Variants in TMEM232 observed in about 807,000 individuals in gnomAD.
TMEM232 encodes the protein transmembrane protein 232.
Under a neutral mutation model 78.8 loss-of-function variants are expected in TMEM232, and 80 were observed. That is an observed-to-expected ratio of 1.01 (90% CI 0.85 to 1.22). TMEM232 has a LOEUF of 1.22. Ranked by LOEUF, TMEM232 falls within the 50% of genes most tolerant of loss-of-function variation. The pLI, the probability that TMEM232 is intolerant of heterozygous loss-of-function variation, is 0.00. For synonymous variants in TMEM232, 297 were observed against 254.3 expected, an observed-to-expected ratio of 1.17 and a Z score of -1.60; for missense variants, 881 against 742.2, an observed-to-expected ratio of 1.19 and a Z score of -2.17.
At chr5:110,630,461 G>A (rs1476528848) in intron 5 of TMEM232, among the ~76,000 whole-genome samples, 1 of 152,140 alleles carries the variant, frequency 6.6e-6, no homozygotes, top group Non-Finnish European at 1.5e-5. Context: ...CATGTCGGGG[G>A]AGGGGCCCAG....
In TMEM232 at chr5:110,420,536, G is replaced by T. The variant is rs556408631; in HGVS notation, c.*44C>A. ...GGTATTTTTCATCCTATGTATTTCT[G>T]CCATGTAGTCCTCAATTTTGGGAGG... On this transcript the variant is annotated 3_prime_UTR_variant, in exon 14 of 14. Coordinates refer to ENST00000455884, the MANE Select transcript of TMEM232 (RefSeq NM_001039763.4). The T allele has an allele frequency of 3.2e-6, 4 of 1,245,530 alleles. No individual in the cohort carries two copies. Among genetic ancestry groups the T allele is most frequent in the African/African-American group, 3.2e-5 (2 of 63,032 alleles). 77.2% of individuals were successfully genotyped at this position (1,245,530 alleles called of 1,614,324 possible).
intron 8 of TMEM232, among the ~76,000 whole-genome samples, chr5:110,614,807 C>T (rs990360005): frequency 1.3e-5 from 2 of 151,896 alleles, no homozygotes; most frequent in African/African-American, 4.8e-5. Flanking sequence ...TTTGAATCTC[C>T]TACAACTTAC....
intron 12 of TMEM232, among the ~76,000 whole-genome samples, chr5:110,520,142 T>A (rs935712582): frequency 6.6e-6 from 1 of 151,728 alleles, no homozygotes; most frequent in East Asian, 1.9e-4. Context: ...TTATTGTATA[T>A]TTCAAAATAA....
intron 12 of TMEM232, among the ~76,000 whole-genome samples, chr5:110,454,844 C>T (rs1206541460): frequency 1.3e-5 from 2 of 150,068 alleles, no homozygotes; most frequent in African/African-American, 4.9e-5. Flanking sequence ...ATAAGAGGTG[C>T]ATTAATCAAT....
At chr5:110,513,928 T>C (rs1461813924) in intron 12 of TMEM232, 1 of 170,296 alleles carries the variant, frequency 5.9e-6, no homozygotes, top group African/African-American at 2.4e-5. Flanking sequence ...TTTGAGTACA[T>C]ATTCAGAAGA....
rs547822735 is a variant in TMEM232, at chr5:110,424,754, C to T, written c.1797+69G>A. On this transcript the variant is annotated intron_variant, in intron 13 of 13. Coordinates refer to ENST00000455884, the MANE Select transcript of TMEM232 (RefSeq NM_001039763.4). ...TATTAAGGTTTCAGTCTCAGAACTA[C>T]ATTTTATCATTTAAAGTGCTTTTAA... The T allele has an allele frequency of 4.1e-5, 51 of 1,242,330 alleles. No individual in the cohort carries two copies. In the Admixed American group the frequency reaches 1.0e-3, roughly 25 times the overall value. The allele number at this position is 1,242,330 out of a possible 1,614,324, so 77.0% of individuals were successfully genotyped here. A position where few individuals can be genotyped will look rare whatever the true frequency, so the allele number is the denominator to read the frequency against.
intron 1 of TMEM232, among the ~76,000 whole-genome samples, chr5:110,719,028 A>G (rs1411983091): frequency 6.6e-6 from 1 of 152,068 alleles, no homozygotes; most frequent in South Asian, 2.1e-4. Context: ...AACATCAAAG[A>G]GTCTACTTAC....
intron 2 of TMEM232, among the ~76,000 whole-genome samples, chr5:110,666,016 T>C (rs531991480): frequency 2.0e-5 from 3 of 152,066 alleles, no homozygotes; most frequent in Non-Finnish European, 4.4e-5. Flanking sequence ...AGCTATAGGT[T>C]ATAGCAAGGT....
chr5:110,443,068 C>T (rs1044380013), intron 12 of TMEM232, among the ~76,000 whole-genome samples: 1 of 152,154 alleles, frequency 6.6e-6, no homozygotes, highest in Non-Finnish European at 1.5e-5. Context: ...CCAAGGCATA[C>T]TGTAACCGCT....
intron 12 of TMEM232, among the ~76,000 whole-genome samples, chr5:110,522,175 TC>T (rs1276411325): frequency 1.3e-5 from 2 of 152,168 alleles, no homozygotes; most frequent in African/African-American, 4.8e-5. Flanking sequence ...TTATTCTTTT[TC>T]ATACTATTGT....
chr5:110,484,153 G>A (rs1764211464), intron 12 of TMEM232, among the ~76,000 whole-genome samples: 1 of 151,978 alleles, frequency 6.6e-6, no homozygotes, highest in South Asian at 2.1e-4. Flanking sequence ...AGATACTGGA[G>A]ATTACTGGGG....
intron 10 of TMEM232, among the ~76,000 whole-genome samples, chr5:110,594,875 A>T (rs1486085290): frequency 1.3e-5 from 2 of 152,230 alleles, no homozygotes; most frequent in Non-Finnish European, 2.9e-5. Flanking sequence ...TCCTGCTGCC[A>T]GCTCTGAATA....
chr5:110,626,443 T>C (rs534203528), intron 6 of TMEM232, among the ~76,000 whole-genome samples: 9 of 152,214 alleles, frequency 5.9e-5, no homozygotes, highest in Admixed American at 1.3e-4. Context: ...ATGGTACTAA[T>C]TGATTAGTCT....
rs202180945 is a variant in TMEM232, at chr5:110,587,695, G to A, written c.1276+17414C>T. The stretch of plus-strand genomic sequence containing the variant: ...TATATATATATATATATATATATGT[G>A]TGTGTGTGTGTGTGTGTGTGTGTGT... On this transcript the variant is annotated intron_variant, in intron 10 of 13. Transcript: ENST00000455884. Among the ~76,000 whole-genome samples the A allele has an allele frequency of 3.2e-3, 194 of 61,018 alleles. 1 individual carries two copies. Among genetic ancestry groups the A allele is most frequent in the African/African-American group, 0.015 (102 of 6,996 alleles). 40.0% of individuals were successfully genotyped at this position (61,018 alleles called of 152,430 possible).
chr5:110,712,639 C>T (rs1297692114), intron 1 of TMEM232, among the ~76,000 whole-genome samples: 1 of 152,160 alleles, frequency 6.6e-6, no homozygotes, highest in Non-Finnish European at 1.5e-5. Context: ...TGTTTCACTG[C>T]TCCCCTTCTC....
intron 1 of TMEM232, among the ~76,000 whole-genome samples, chr5:110,694,107 C>G (rs36139141): frequency 6.6e-6 from 1 of 152,034 alleles, no homozygotes; most frequent in African/African-American, 2.4e-5. Flanking sequence ...GCGGATCTCT[C>G]GGCAGAAACT....
intron 1 of TMEM232, among the ~76,000 whole-genome samples, chr5:110,694,894 G>A (rs1021705640): frequency 1.8e-4 from 27 of 152,116 alleles, no homozygotes; most frequent in South Asian, 2.1e-4. Flanking sequence ...ACAGATCAAA[G>A]AGACAGAAAG....
intron 10 of TMEM232, among the ~76,000 whole-genome samples, chr5:110,586,047 G>C (rs1053554811): frequency 1.3e-5 from 2 of 152,092 alleles, no homozygotes; most frequent in Non-Finnish European, 1.5e-5. Context: ...ACAGGGAAGG[G>C]GGACAGTGGA....
At chr5:110,678,334 G>A (rs1211403464) in intron 1 of TMEM232, among the ~76,000 whole-genome samples, 2 of 152,072 alleles carry the variant, frequency 1.3e-5, no homozygotes, top group Admixed American at 6.6e-5. Context: ...CAAAACATTG[G>A]GATTACAGGT....
Sources: allele counts gnomAD v4.1 joint callset (sites outside exome capture counted in the v4.1 genomes callset), GRCh38; gene constraint gnomAD v4.1.1; transcripts MANE v1.5; gene names NCBI Gene and HGNC (gene_info 2026-07-23, HGNC 2026-07-21).